The following ATF7IP2 variants were observed in gnomAD, a reference collection of about 807,000 sequenced individuals.
ATF7IP2 encodes activating transcription factor 7 interacting protein 2, also known as activating transcription factor 7-interacting protein 2.
ATF7IP2 carries 42 observed loss-of-function variants against 64.2 expected under a neutral mutation model. That is an observed-to-expected ratio of 0.65 (90% CI 0.51 to 0.85). The LOEUF is 0.85. Ranked by LOEUF, ATF7IP2 falls within the 40% of genes least tolerant of loss-of-function variation. The probability of loss-of-function intolerance (pLI) is 0.00; values close to 1 mark genes in which losing one functional copy is unlikely to be tolerated. For missense variants in ATF7IP2, 933 were observed against 784.2 expected (o/e 1.19, Z -2.27); for synonymous variants, 308 against 272.8 (o/e 1.13, Z -1.27).
chr16:10,409,473 CTTAGA>C (rs1329567339), intron 1 of ATF7IP2, among the ~76,000 whole-genome samples: 1 of 146,838 alleles, frequency 6.8e-6, no homozygotes, highest in African/African-American at 2.6e-5. Flanking sequence ...AGTTTCAGGT[CTTAGA>C]TTTAAATCCT....
chr16:10,473,317 A>G (rs542584028), intron 10 of ATF7IP2, among the ~76,000 whole-genome samples, 162 bp from the exon 11 acceptor site: 2 of 152,346 alleles, frequency 1.3e-5, no homozygotes, highest in East Asian at 3.9e-4. Context: ...TTTTAAAAAA[A>G]TTTCATTCAG....
At chr16:10,396,356 TC>T (rs895146793) in intron 1 of ATF7IP2, among the ~76,000 whole-genome samples, 8 of 152,196 alleles carry the variant, frequency 5.3e-5, no homozygotes, top group Non-Finnish European at 1.0e-4. Flanking sequence ...ATTGTTCTCT[TC>T]CTGTACAGAA....
chr16:10,391,156 CAA>C (rs60844905), intron 1 of ATF7IP2, among the ~76,000 whole-genome samples: 256 of 140,732 alleles, frequency 1.8e-3, no homozygotes, highest in Non-Finnish European at 1.9e-3. Flanking sequence ...GACCCTGTCT[CAA>C]AAAAAAAAAA....
chr16:10,442,632 G>A (rs1431320902), intron 8 of ATF7IP2, among the ~76,000 whole-genome samples: 7 of 152,286 alleles, frequency 4.6e-5, no homozygotes, highest in Middle Eastern at 3.4e-3. Flanking sequence ...AGATAAGGAG[G>A]TGAGACCTTG....
At chr16:10,393,265 G>A (rs1393736016) in intron 1 of ATF7IP2, among the ~76,000 whole-genome samples, 2 of 136,270 alleles carry the variant, frequency 1.5e-5, no homozygotes, top group South Asian at 4.8e-4. Flanking sequence ...AGCTGAGATT[G>A]CCTCAATGCC....
intron 2 of ATF7IP2, among the ~76,000 whole-genome samples, chr16:10,418,972 A>G (rs950522846): frequency 2.6e-5 from 4 of 152,316 alleles, no homozygotes; most frequent in Admixed American, 6.5e-5. Context: ...GAGAGGTACA[A>G]TTTGTGCTAA....
chr16:10,446,914 T>G (rs2048826204), intron 8 of ATF7IP2: 1 of 152,054 alleles, frequency 6.6e-6, no homozygotes, highest in Admixed American at 6.6e-5. Context: ...GCCTTTCCTT[T>G]CCTATAGCCT....
At chr16:10,408,607 CAT>C (rs537440088) in intron 1 of ATF7IP2, among the ~76,000 whole-genome samples, 137 of 152,268 alleles carry the variant, frequency 9.0e-4, no homozygotes, top group Middle Eastern at 3.4e-3. Context: ...AGCATTTTTT[CAT>C]ATGTTTGTTG....
intron 1 of ATF7IP2, among the ~76,000 whole-genome samples, chr16:10,406,692 A>G (rs1048683764): frequency 2.6e-5 from 4 of 152,208 alleles, no homozygotes; most frequent in African/African-American, 4.8e-5. Flanking sequence ...AGGCACATAC[A>G]ACCTACAAAG....
At chr16:10,446,102 C>A (rs2048794762) in intron 8 of ATF7IP2, 1 of 152,290 alleles carries the variant, frequency 6.6e-6, no homozygotes, top group South Asian at 2.1e-4. Context: ...CTACTGAGTA[C>A]CCATTATATC....
chr16:10,476,673 A>G (rs768967795), intron 12 of ATF7IP2, among the ~76,000 whole-genome samples: 28 of 152,062 alleles, frequency 1.8e-4, no homozygotes, highest in Non-Finnish European at 3.5e-4. Flanking sequence ...CCCTCCCCCA[A>G]CAGGCCTAGT....
chr16:10,411,905 GTT>G (rs992175796), intron 1 of ATF7IP2, among the ~76,000 whole-genome samples: 1 of 82,904 alleles, frequency 1.2e-5, no homozygotes, highest in Non-Finnish European at 2.7e-5. Context: ...GAGCTTATTT[GTT>G]TTTTTTTTTT....
chr16:10,392,841 AGCT>A (rs1263921770), intron 1 of ATF7IP2, among the ~76,000 whole-genome samples: 1 of 149,824 alleles, frequency 6.7e-6, no homozygotes, highest in African/African-American at 2.5e-5. Context: ...AAAAAAAATT[AGCT>A]GGGTGTGATG....
chr16:10,403,142 T>C (rs2047568460), intron 1 of ATF7IP2, among the ~76,000 whole-genome samples: 1 of 152,210 alleles, frequency 6.6e-6, no homozygotes, highest in Non-Finnish European at 1.5e-5. Flanking sequence ...TAAATCCTGC[T>C]AACACTGCAG....
chr16:10,439,849 TA>T (rs1430569336), intron 7 of ATF7IP2, among the ~76,000 whole-genome samples: 1 of 151,748 alleles, frequency 6.6e-6, no homozygotes, highest in African/African-American at 2.4e-5. Context: ...TTGAGATTTT[TA>T]TCTTCCTTAC....
intron 8 of ATF7IP2, among the ~76,000 whole-genome samples, chr16:10,455,982 C>CTTTTTTTATTTTTA (rs56334886): frequency 0.74 from 111,551 of 151,218 alleles, 41,552 homozygotes; most frequent in African/African-American, 0.84. Flanking sequence ...GATTTTATTT[C>CTTTTTTTATTTTTA]TTTTTTTATT....
intron 1 of ATF7IP2, among the ~76,000 whole-genome samples, chr16:10,400,607 T>G (rs568349453): frequency 1.3e-5 from 2 of 152,334 alleles, no homozygotes; most frequent in South Asian, 4.1e-4. Flanking sequence ...CTTGATTTAG[T>G]ATGATTTTGG....
intron 10 of ATF7IP2, among the ~76,000 whole-genome samples, chr16:10,472,495 C>T (rs1045697777): frequency 7.9e-5 from 12 of 151,716 alleles, no homozygotes; most frequent in South Asian, 2.1e-4. Flanking sequence ...ATGGTAGTGA[C>T]GGTTTGTTTT....
chr16:10,473,064 G>C (rs2883308), intron 10 of ATF7IP2, among the ~76,000 whole-genome samples: 84,126 of 151,872 alleles, frequency 0.55, 23,432 homozygotes, highest in East Asian at 0.69. Context: ...TTTGGGCTAA[G>C]ATTGTGAATC....
Sources: allele counts gnomAD v4.1 joint callset (sites outside exome capture counted in the v4.1 genomes callset), GRCh38; gene constraint gnomAD v4.1.1; transcripts MANE v1.5; gene names NCBI Gene and HGNC (gene_info 2026-07-23, HGNC 2026-07-21).